MDGA2: variants seen among roughly 807,000 people sequenced by gnomAD.
MDGA2 encodes the protein MAM domain containing glycosylphosphatidylinositol anchor 2.
In MDGA2, 40 loss-of-function variants were observed where a neutral mutation model predicts 117.8. The ratio of observed to expected loss-of-function variants is 0.34; its 90% CI spans 0.26 to 0.44. MDGA2 has a LOEUF of 0.44. MDGA2 is among the 20% of genes least tolerant of loss of function. The pLI, the probability that MDGA2 is intolerant of heterozygous loss-of-function variation, is 1.00. For synonymous variants in MDGA2, 452 were observed against 439.0 expected, an observed-to-expected ratio of 1.03 and a Z score of -0.37; for missense variants, 1,123 against 1,250.6, an observed-to-expected ratio of 0.90 and a Z score of 1.54.
chr14:47,213,274 C>A (rs1020197558), intron 3 of MDGA2, among the ~76,000 whole-genome samples: 2 of 152,102 alleles, frequency 1.3e-5, no homozygotes, highest in African/African-American at 4.8e-5. Flanking sequence ...GCCTTCTAGC[C>A]CCAGATTTCC....
intron 10 of MDGA2, among the ~76,000 whole-genome samples, chr14:46,887,363 C>A (rs550086646): frequency 6.6e-6 from 1 of 151,922 alleles, no homozygotes; most frequent in African/African-American, 2.4e-5. Flanking sequence ...GTGGTTAGAC[C>A]CAAAATGACT....
chr14:47,319,000 C>A (rs2139868173), intron 1 of MDGA2, among the ~76,000 whole-genome samples: 1 of 152,232 alleles, frequency 6.6e-6, no homozygotes, highest in South Asian at 2.1e-4. Flanking sequence ...TTATGTCATA[C>A]TTTCCTTTAA....
intron 8 of MDGA2, 106 bp downstream of exon 8, chr14:47,034,905 G>C: frequency 1.1e-6 from 1 of 944,304 alleles, no homozygotes; most frequent in Non-Finnish European, 1.6e-6. Flanking sequence ...TGTAGAAATA[G>C]TTCATTCAAT....
chr14:47,386,023 G>C (rs1035227561), intron 1 of MDGA2, among the ~76,000 whole-genome samples: 4 of 152,132 alleles, frequency 2.6e-5, no homozygotes, highest in African/African-American at 9.7e-5. Flanking sequence ...GCTCACATCT[G>C]TAATCCCAGC....
chr14:47,619,116 T>TATACACACACACACACAC (rs140667074), intron 1 of MDGA2, among the ~76,000 whole-genome samples: 46 of 90,800 alleles, frequency 5.1e-4, no homozygotes, highest in African/African-American at 1.8e-3. Context: ...TCAGTTTAAT[T>TATACACACACACACACAC]ACACACACAC....
chr14:47,279,401 T>C (rs2139729576), intron 2 of MDGA2, among the ~76,000 whole-genome samples: 1 of 152,336 alleles, frequency 6.6e-6, no homozygotes, highest in Admixed American at 6.5e-5. Context: ...ACCATGTTTC[T>C]CTTGCACTGT....
intron 3 of MDGA2, among the ~76,000 whole-genome samples, chr14:47,175,955 C>A (rs1368179716): frequency 6.6e-6 from 1 of 152,156 alleles, no homozygotes; most frequent in Admixed American, 6.5e-5. Flanking sequence ...AGCAAAGTCT[C>A]AGGATACAAA....
At chr14:47,134,073 G>A (rs923632289) in intron 4 of MDGA2, among the ~76,000 whole-genome samples, 2 of 151,912 alleles carry the variant, frequency 1.3e-5, no homozygotes, top group African/African-American at 4.8e-5. Flanking sequence ...TCACAATCGA[G>A]CTAATTAACA....
intron 2 of MDGA2, among the ~76,000 whole-genome samples, chr14:47,284,379 T>C (rs1888600927): frequency 6.6e-6 from 1 of 152,124 alleles, no homozygotes; most frequent in South Asian, 2.1e-4. Context: ...GCCCTGAGAA[T>C]GGAAAAACAA....
chr14:47,640,985 C>T (rs1897412634), intron 1 of MDGA2, among the ~76,000 whole-genome samples: 1 of 152,030 alleles, frequency 6.6e-6, no homozygotes, highest in East Asian at 1.9e-4. Context: ...AGCAAGTTCG[C>T]AATGATTTCT....
At chr14:47,386,381 A>C (rs1418152752) in intron 1 of MDGA2, among the ~76,000 whole-genome samples, 4 of 152,208 alleles carry the variant, frequency 2.6e-5, no homozygotes, top group Non-Finnish European at 4.4e-5. Flanking sequence ...TATCAGAGAA[A>C]AAATTAAACC....
intron 6 of MDGA2, among the ~76,000 whole-genome samples, chr14:47,068,892 T>C (rs969983050): frequency 5.9e-5 from 9 of 152,180 alleles, no homozygotes; most frequent in African/African-American, 2.2e-4. Flanking sequence ...TTTTTTGTTT[T>C]CTGTCTCGTA....
chr14:47,437,576 G>A (rs1247363248), intron 1 of MDGA2, among the ~76,000 whole-genome samples: 1 of 152,084 alleles, frequency 6.6e-6, no homozygotes, highest in Non-Finnish European at 1.5e-5. Context: ...TTTGTAAATG[G>A]AAAGGGTTGC....
chr14:47,157,705 T>G (rs1883454667), intron 3 of MDGA2, among the ~76,000 whole-genome samples: 1 of 151,006 alleles, frequency 6.6e-6, no homozygotes, highest in Admixed American at 6.6e-5. Context: ...ATAATCCCCA[T>G]GTGTGGTGGG....
At chr14:47,536,790 T>C (rs891197900) in intron 1 of MDGA2, among the ~76,000 whole-genome samples, 1 of 152,240 alleles carries the variant, frequency 6.6e-6, no homozygotes, top group African/African-American at 2.4e-5. Context: ...AAATGAGTAC[T>C]GGCAGCAGGC....
intron 1 of MDGA2, among the ~76,000 whole-genome samples, chr14:47,376,374 C>G (rs1202900416): frequency 1.3e-5 from 2 of 152,086 alleles, no homozygotes; most frequent in South Asian, 2.1e-4. Flanking sequence ...TACATACAGG[C>G]CAATATATCT....
intron 6 of MDGA2, among the ~76,000 whole-genome samples, chr14:47,074,215 C>A (rs1214843781): frequency 6.6e-6 from 1 of 152,026 alleles, no homozygotes; most frequent in Admixed American, 6.6e-5. Context: ...CTTATTTACT[C>A]TCTTTTTATT....
chr14:46,869,412 T>C (rs1485095545), intron 14 of MDGA2, among the ~76,000 whole-genome samples: 1 of 150,394 alleles, frequency 6.6e-6, no homozygotes, highest in Non-Finnish European at 1.5e-5. Context: ...AGAATTGAAA[T>C]GTCCATTAGT....
rs940897646 is a variant in MDGA2, at chr14:47,200,643, C to A, written c.595+17378G>T. 95 of 1,258,090 alleles carry A rather than the reference C, an allele frequency of 7.6e-5. No homozygotes were observed. In the African/African-American group the frequency reaches 1.2e-3, roughly 16 times the overall value. 77.9% of individuals were successfully genotyped at this position (1,258,090 alleles called of 1,614,324 possible). Reference sequence around the variant, plus strand: ...TCAATTTTCTTCTCCACGTTCTTCTCGGCCTGTTTCCGTAGCCTCAAGAGC... The same window carrying A: ...TCAATTTTCTTCTCCACGTTCTTCTAGGCCTGTTTCCGTAGCCTCAAGAGC... On this transcript the variant is annotated intron_variant, in intron 3 of 16. Transcript: ENST00000399232.
Sources: gnomAD v4.1 joint callset for allele counts (sites outside exome capture counted in the v4.1 genomes callset) on GRCh38, gnomAD v4.1.1 for gene constraint, MANE v1.5 for transcripts, NCBI Gene and HGNC (gene_info 2026-07-23, HGNC 2026-07-21) for gene names.